The following CPSF3 variants were observed in gnomAD, a reference collection of about 807,000 sequenced individuals.
CPSF3 encodes the protein cleavage and polyadenylation specific factor 3.
A neutral mutation model predicts 84.1 loss-of-function variants in CPSF3; 57 were observed. That is an observed-to-expected ratio of 0.68 (90% CI 0.55 to 0.85). The LOEUF (loss-of-function observed/expected upper bound fraction) is 0.85. Among genes scored for constraint, CPSF3 ranks in the 40% least tolerant of loss-of-function variants. The probability of loss-of-function intolerance (pLI) is 0.00; values close to 1 mark genes in which losing one functional copy is unlikely to be tolerated. For missense variants in CPSF3, 522 were observed against 838.8 expected (o/e 0.62, Z 4.66); for synonymous variants, 275 against 278.1 (o/e 0.99, Z 0.11).
At chr2:9,460,350 A>G (rs1278952189) in intron 15 of CPSF3, among the ~76,000 whole-genome samples, 1 of 152,124 alleles carries the variant, frequency 6.6e-6, no homozygotes, top group Non-Finnish European at 1.5e-5. Flanking sequence ...AATGGCGTGA[A>G]CACAGGAGGC....
At chr2:9,434,532 T>C (rs757306632) in intron 6 of CPSF3, among the ~76,000 whole-genome samples, 2 of 152,348 alleles carry the variant, frequency 1.3e-5, no homozygotes, top group African/African-American at 4.8e-5. Flanking sequence ...CTATGCCCTC[T>C]CTCTGTCTTC....
At chr2:9,424,076 A>T in intron 1 of CPSF3, 1 of 1,219,752 alleles carries the variant, frequency 8.2e-7, no homozygotes, top group Non-Finnish European at 1.0e-6. Context: ...GGAAAAAAAA[A>T]AGTTTTACGG....
chr2:9,429,469 C>T (rs937646730), intron 2 of CPSF3, among the ~76,000 whole-genome samples: 2 of 152,172 alleles, frequency 1.3e-5, no homozygotes, highest in African/African-American at 4.8e-5. Flanking sequence ...AAATAAGTAA[C>T]TTTAATGACT....
At chr2:9,436,849 G>A (rs1680802685) in intron 7 of CPSF3, among the ~76,000 whole-genome samples, 1 of 151,908 alleles carries the variant, frequency 6.6e-6, no homozygotes, top group South Asian at 2.1e-4. Flanking sequence ...ATGCACTGCT[G>A]TTGGGAATGT....
chr2:9,439,300 C>T (rs933599697), intron 7 of CPSF3, among the ~76,000 whole-genome samples: 53 of 151,672 alleles, frequency 3.5e-4, no homozygotes, highest in African/African-American at 1.3e-3. Flanking sequence ...GGTGAAACCC[C>T]GTCTGTACTA....
chr2:9,457,025 G>A lies in CPSF3; in HGVS notation c.1696G>A (p.Glu566Lys). Residue 566 changes from glutamate (E) to lysine (K), a missense_variant and splice_region_variant, in exon 14 of 18, where the codon GAA (glutamate) becomes AAA (lysine). Glu to Lys is a moderately conservative substitution (Grantham distance 56). Transcript: ENST00000238112. ...ACAAGAACCAGGCATGGTGGTATTAGAAGTAAGAAAAGATCATTTACCTAA... is the reference window on the plus strand; with the variant it reads ...ACAAGAACCAGGCATGGTGGTATTAAAAGTAAGAAAAGATCATTTACCTAA... ...VIQEPGMVVL[E>K]WLANPSNDMY... 6.4e-7 allele frequency: 1 copy of A among 1,564,066 alleles called. No homozygotes were observed. Among genetic ancestry groups the A allele is most frequent in the Non-Finnish European group, 8.7e-7 (1 of 1,144,904 alleles).
chr2:9,461,971 G>A (rs1046437719), intron 15 of CPSF3, among the ~76,000 whole-genome samples: 1 of 151,846 alleles, frequency 6.6e-6, no homozygotes, highest in Non-Finnish European at 1.5e-5. Context: ...CATGTTGGTC[G>A]GGCTGGTCTC....
Position 9,436,309 on chromosome 2 carries a change from T to C in CPSF3, c.708T>C (p.Gly236=). ...ATATTGTAAACAGAGGAGGCAGGGG[T>C]CTCATTCCTGTCTTTGCTCTTGGAA... ...VHDIVNRGGR[G]LIPVFALGRA... is the part of the protein sequence containing the mutation. Residue 236 remains glycine (G), a synonymous_variant, in exon 7 of 18, where the codon GGT becomes GGC. Transcript: ENST00000238112. The C allele has an allele frequency of 6.2e-7, 1 of 1,613,720 alleles. No homozygotes were observed. Among genetic ancestry groups the C allele is most frequent in the Admixed American group, 1.7e-5 (1 of 59,974 alleles).
At chr2:9,465,819 T>G (rs1174981135) in intron 15 of CPSF3, among the ~76,000 whole-genome samples, 2 of 152,136 alleles carry the variant, frequency 1.3e-5, no homozygotes, top group Non-Finnish European at 2.9e-5. Context: ...TTTTGTAAAG[T>G]GAAGTCTGTT....
chr2:9,462,115 T>G (rs1273584423), intron 15 of CPSF3, among the ~76,000 whole-genome samples: 1 of 152,082 alleles, frequency 6.6e-6, no homozygotes, highest in Non-Finnish European at 1.5e-5. Flanking sequence ...TTAGGAACGG[T>G]GACGTGGGGA....
chr2:9,453,049 A>G, intron 12 of CPSF3, 28 bp downstream of exon 12: 2 of 1,371,088 alleles, frequency 1.5e-6, no homozygotes, highest in South Asian at 2.5e-5. Flanking sequence ...TGTCAAATCC[A>G]ACTTCACCTT....
rs76803793 is a variant in CPSF3, at chr2:9,450,889, T to A, written c.1396-2024T>A. ...AGGTGAATTGGAGGAAAAAAAGAAA[T>A]TAGCAAAACTTAGGGTATGAGGTTT... On this transcript the variant is annotated intron_variant, in intron 11 of 17. Coordinates refer to ENST00000238112, the MANE Select transcript of CPSF3 (RefSeq NM_016207.4). Among the ~76,000 whole-genome samples, 855 of 152,250 alleles carry A rather than the reference T, an allele frequency of 5.6e-3. 10 individuals are homozygous for A. The highest frequency in any genetic ancestry group is 0.02 in the African/African-American group (817 of 41,516).
intron 11 of CPSF3, among the ~76,000 whole-genome samples, chr2:9,452,307 G>A (rs1165006052): frequency 2.1e-5 from 3 of 145,146 alleles, no homozygotes; most frequent in East Asian, 2.0e-4. Context: ...CCAGCCTGGC[G>A]ACAGTGAGAC....
In CPSF3 at chr2:9,436,269, G is replaced by GT; in HGVS notation, c.669dup (p.Asn224Ter). 1 of 1,613,528 alleles carries GT rather than the reference G, an allele frequency of 6.2e-7. No homozygotes were observed. The highest frequency in any genetic ancestry group is 8.5e-7 in the Non-Finnish European group (1 of 1,179,700). On this transcript the variant is annotated frameshift_variant, in exon 7 of 18. Coordinates refer to ENST00000238112, the MANE Select transcript of CPSF3 (RefSeq NM_016207.4). LOFTEE classifies it high-confidence loss of function. ...CGTGAAGAGCGAGAAGCAAGATTCT[G>GT]TAACACTGTCCACGATATTGTAAAC...
At chr2:9,446,655 G>A (rs1282516268) in intron 10 of CPSF3, among the ~76,000 whole-genome samples, 2 of 151,942 alleles carry the variant, frequency 1.3e-5, no homozygotes, top group Non-Finnish European at 2.9e-5. Context: ...CTACTTGGAG[G>A]CTGAGGCATG....
chr2:9,456,906 C>T (rs1474293047), intron 13 of CPSF3, 27 bp from the exon 14 acceptor site: 1 of 1,334,736 alleles, frequency 7.5e-7, no homozygotes. Context: ...AAAGTATATA[C>T]ATCTTATAGT....
chr2:9,428,711 G>C, intron 1 of CPSF3, 54 bp from the exon 2 acceptor site: 4 of 1,247,712 alleles, frequency 3.2e-6, no homozygotes, highest in Middle Eastern at 2.0e-4. Context: ...AAGTTTATTG[G>C]ACTTGGTTTT....
At chr2:9,434,018 T>C (rs1411378280) in intron 6 of CPSF3, 58 bp downstream of exon 6, 16 of 941,786 alleles carry the variant, frequency 1.7e-5, no homozygotes, top group South Asian at 7.3e-5. Flanking sequence ...TTTTTTCTTT[T>C]GGAAAATAAT....
chr2:9,430,080 T>G (rs1231076383), intron 3 of CPSF3, 60 bp downstream of exon 3: 1 of 997,176 alleles, frequency 1.0e-6, no homozygotes. Flanking sequence ...AAGATCATTC[T>G]TTACTAGATT....
Sources: allele counts gnomAD v4.1 joint callset (sites outside exome capture counted in the v4.1 genomes callset), GRCh38; gene constraint gnomAD v4.1.1; transcripts MANE v1.5; gene names NCBI Gene and HGNC (gene_info 2026-07-23, HGNC 2026-07-21).